CSMD3: variants seen among roughly 807,000 people sequenced by gnomAD.
The protein encoded by CSMD3 is CUB and Sushi multiple domains 3.
Under a neutral mutation model 435.2 loss-of-function variants are expected in CSMD3, and 177 were observed. The observed-to-expected ratio is 0.41, with a 90% CI of 0.36 to 0.46. The LOEUF is 0.46. Among genes scored for constraint, CSMD3 ranks in the 20% least tolerant of loss-of-function variants. The pLI, the probability that CSMD3 is intolerant of heterozygous loss-of-function variation, is 0.34. For synonymous variants in CSMD3, 1,656 were observed against 1,520.5 expected, an observed-to-expected ratio of 1.09 and a Z score of -2.07; for missense variants, 4,265 against 4,504.6, an observed-to-expected ratio of 0.95 and a Z score of 1.52.
At chr8:112,726,229 TA>T (rs2076961997) in intron 13 of CSMD3, among the ~76,000 whole-genome samples, 1 of 151,950 alleles carries the variant, frequency 6.6e-6, no homozygotes, top group Admixed American at 6.6e-5. Flanking sequence ...ATGGAGATTA[TA>T]ATTGAAGATG....
chr8:112,354,472 C>T (rs184781817), intron 38 of CSMD3, among the ~76,000 whole-genome samples: 1 of 152,242 alleles, frequency 6.6e-6, no homozygotes, highest in Admixed American at 6.5e-5. Flanking sequence ...CCAAAAGGCT[C>T]ATAGAACTGA....
At chr8:113,150,901 A>G (rs747656074) in intron 4 of CSMD3, among the ~76,000 whole-genome samples, 4 of 151,964 alleles carry the variant, frequency 2.6e-5, no homozygotes, top group Non-Finnish European at 5.9e-5. Context: ...AGCTTCTTGG[A>G]TGAGTATAAA....
rs59528882 is a variant in CSMD3 at position 113,047,830 on chromosome 8, T to C, written c.918-28651A>G. On this transcript the variant is annotated intron_variant, in intron 5 of 70. Transcript: ENST00000297405. Reference sequence around the variant, plus strand: ...TGATTCTATAAATAATCAGGATAGGTCTGGGTGTGTGTCACAGTGGCAAGC... The same window carrying C: ...TGATTCTATAAATAATCAGGATAGGCCTGGGTGTGTGTCACAGTGGCAAGC... Among the ~76,000 whole-genome samples, 1,514 of 152,244 alleles carry C rather than the reference T, an allele frequency of 9.9e-3. 36 individuals carry two copies. Among genetic ancestry groups the C allele is most frequent in the African/African-American group, 0.035 (1,439 of 41,542 alleles).
chr8:112,904,542 G>C (rs1267633968), intron 10 of CSMD3, among the ~76,000 whole-genome samples: 1 of 151,434 alleles, frequency 6.6e-6, no homozygotes, highest in Non-Finnish European at 1.5e-5. Flanking sequence ...TACTGGGAGG[G>C]AAGCTGATTC....
At chr8:112,735,316 A>G (rs1166162603) in intron 13 of CSMD3, among the ~76,000 whole-genome samples, 2 of 151,988 alleles carry the variant, frequency 1.3e-5, no homozygotes, top group African/African-American at 2.4e-5. Flanking sequence ...AAAATTAGGT[A>G]TAAGTTTGTT....
chr8:112,979,282 AC>A (rs1287588350), intron 6 of CSMD3, among the ~76,000 whole-genome samples: 2 of 151,870 alleles, frequency 1.3e-5, no homozygotes, highest in Non-Finnish European at 2.9e-5. Flanking sequence ...TATGTTTGAT[AC>A]ATATAGTGGA....
intron 35 of CSMD3, among the ~76,000 whole-genome samples, chr8:112,395,679 G>C (rs1287209038): frequency 6.6e-6 from 1 of 152,098 alleles, no homozygotes; most frequent in Non-Finnish European, 1.5e-5. Context: ...ACTAACAGAA[G>C]TACTTATGCC....
chr8:113,365,164 G>A (rs1465932382), intron 1 of CSMD3, among the ~76,000 whole-genome samples: 1 of 152,022 alleles, frequency 6.6e-6, no homozygotes, highest in Admixed American at 6.6e-5. Flanking sequence ...GGAAATTAGA[G>A]TGAAGGTAAG....
chr8:112,232,910 A>G (rs1421155513), intron 68 of CSMD3, among the ~76,000 whole-genome samples: 3 of 152,150 alleles, frequency 2.0e-5, no homozygotes, highest in South Asian at 4.1e-4. Flanking sequence ...AGACATGAAG[A>G]CCTGGACTTA....
intron 3 of CSMD3, among the ~76,000 whole-genome samples, chr8:113,237,494 C>G (rs991360253): frequency 1.3e-5 from 2 of 152,124 alleles, no homozygotes; most frequent in Non-Finnish European, 2.9e-5. Flanking sequence ...AGAAACAAAG[C>G]CATTTATTTT....
intron 30 of CSMD3, among the ~76,000 whole-genome samples, chr8:112,502,005 T>C (rs1348706689): frequency 6.6e-6 from 1 of 152,106 alleles, no homozygotes; most frequent in Non-Finnish European, 1.5e-5. Flanking sequence ...TGTGCAAGCA[T>C]AAATACATGG....
intron 13 of CSMD3, among the ~76,000 whole-genome samples, chr8:112,747,646 G>A (rs1267789881): frequency 1.3e-5 from 2 of 152,092 alleles, no homozygotes; most frequent in African/African-American, 2.4e-5. Context: ...CATAGACCAC[G>A]AATAAACATG....
At chr8:113,239,136 A>T (rs1156429981) in intron 3 of CSMD3, among the ~76,000 whole-genome samples, 1 of 151,998 alleles carries the variant, frequency 6.6e-6, no homozygotes, top group East Asian at 1.9e-4. Context: ...TTGGACTCAA[A>T]CTGAAACATT....
intron 1 of CSMD3, among the ~76,000 whole-genome samples, chr8:113,429,409 A>T (rs1214459656): frequency 6.6e-6 from 1 of 151,998 alleles, no homozygotes; most frequent in Non-Finnish European, 1.5e-5. Context: ...TAAGAAATAA[A>T]TAAAAATTTG....
rs545955136 is a variant in CSMD3, at chr8:112,394,257, A to G, written c.5810-3469T>C. ...GCTCCACCTTAAAAATATATCCCAAAGCTTACTAATTCTCATCACTGTGAC... is the reference window on the plus strand; with the variant it reads ...GCTCCACCTTAAAAATATATCCCAAGGCTTACTAATTCTCATCACTGTGAC... On this transcript the variant is annotated intron_variant, in intron 35 of 70. Coordinates refer to ENST00000297405, the MANE Select transcript of CSMD3 (RefSeq NM_198123.2). Among the ~76,000 whole-genome samples the G allele has an allele frequency of 5.9e-5, 9 of 152,172 alleles. No individual in the cohort carries two copies. In the South Asian group the frequency reaches 1.9e-3, roughly 32 times the overall value.
intron 13 of CSMD3, among the ~76,000 whole-genome samples, chr8:112,706,655 G>A (rs763233875): frequency 6.6e-6 from 1 of 152,038 alleles, no homozygotes; most frequent in Non-Finnish European, 1.5e-5. Context: ...TAAGACACGA[G>A]ACTAGAGAGA....
At chr8:112,946,983 AAATG>A (rs2083631575) in intron 9 of CSMD3, among the ~76,000 whole-genome samples, 1 of 151,718 alleles carries the variant, frequency 6.6e-6, no homozygotes. Context: ...TATATAAATA[AAATG>A]AATAAGTAAA....
chr8:112,251,174 T>G (rs1402291712), intron 63 of CSMD3, among the ~76,000 whole-genome samples: 1 of 151,826 alleles, frequency 6.6e-6, no homozygotes, highest in Non-Finnish European at 1.5e-5. Context: ...TTTCAAAATT[T>G]ATTTATTATT....
intron 22 of CSMD3, among the ~76,000 whole-genome samples, chr8:112,596,539 C>A (rs1831738957): frequency 6.6e-6 from 1 of 152,138 alleles, no homozygotes; most frequent in East Asian, 1.9e-4. Context: ...ACAGAACTCT[C>A]CACCCCAAAT....
Sources: allele counts gnomAD v4.1 joint callset (sites outside exome capture counted in the v4.1 genomes callset), GRCh38; gene constraint gnomAD v4.1.1; transcripts MANE v1.5; gene names NCBI Gene and HGNC (gene_info 2026-07-23, HGNC 2026-07-21).